SLC31A2: variants seen among roughly 807,000 people sequenced by gnomAD.
SLC31A2 encodes the protein protein SLC31A2.
A neutral mutation model predicts 14.4 loss-of-function variants in SLC31A2; 16 were observed. That is an observed-to-expected ratio of 1.11 (90% CI 0.75 to 1.69). The LOEUF is 1.69. Ranked by LOEUF, SLC31A2 falls within the 40% of genes most tolerant of loss-of-function variation. The pLI is 0.00. For missense variants in SLC31A2, 140 were observed against 173.9 expected, an observed-to-expected ratio of 0.81 and a Z score of 1.10; for synonymous variants, 56 against 68.7, an observed-to-expected ratio of 0.82 and a Z score of 0.91.
At chr9:113,156,621 G>GT in intron 1 of SLC31A2, among the ~76,000 whole-genome samples, 1 of 152,300 alleles carries the variant, frequency 6.6e-6, no homozygotes, top group Admixed American at 6.5e-5. Flanking sequence ...CCTTAGCTGG[G>GT]TAACACTGAC....
intron 1 of SLC31A2, among the ~76,000 whole-genome samples, chr9:113,153,053 C>G (rs564346166): frequency 1.5e-4 from 23 of 151,766 alleles, no homozygotes; most frequent in Admixed American, 1.4e-3. Flanking sequence ...TGGAGTTTCA[C>G]AGTATTGTTT....
intron 1 of SLC31A2, among the ~76,000 whole-genome samples, chr9:113,154,519 GTC>G (rs1352010267): frequency 1.3e-5 from 2 of 152,216 alleles, no homozygotes; most frequent in Non-Finnish European, 2.9e-5. Context: ...TGTCTTCCCT[GTC>G]TCCTGTGGCT....
rs201782767 is a variant in SLC31A2, at chr9:113,162,960, G to C, written c.*43G>C. On this transcript the variant is annotated 3_prime_UTR_variant, in exon 4 of 4. Coordinates refer to ENST00000259392, the MANE Select transcript of SLC31A2 (RefSeq NM_001860.3). ...GGCACTGAGGCTGGAGGGACATGGA[G>C]CCCCCTCTTCCAGACACTATACTTC... 3.3e-4 allele frequency: 507 copies of C among 1,522,004 alleles called. No homozygotes were observed. The highest frequency in any genetic ancestry group is 4.1e-4 in the Non-Finnish European group (462 of 1,128,978). The allele number at this position is 1,522,004 out of a possible 1,614,324, so 94.3% of individuals were successfully genotyped here. A position where few individuals can be genotyped will look rare whatever the true frequency, so the allele number is the denominator to read the frequency against.
intron 3 of SLC31A2, chr9:113,161,959 GC>G: frequency 1.8e-6 from 1 of 567,270 alleles, no homozygotes; most frequent in South Asian, 1.7e-5. Flanking sequence ...TCAGGTGCAG[GC>G]CCCTATCTAG....
chr9:113,159,554 G>GAAA (rs887613344), intron 2 of SLC31A2, among the ~76,000 whole-genome samples: 14 of 151,962 alleles, frequency 9.2e-5, no homozygotes, highest in Non-Finnish European at 1.9e-4. Context: ...GAGCCTGTGG[G>GAAA]AAAAAAAACC....
At chr9:113,158,932 A>G (rs1053019794) in intron 2 of SLC31A2, among the ~76,000 whole-genome samples, 1 of 152,188 alleles carries the variant, frequency 6.6e-6, no homozygotes, top group Non-Finnish European at 1.5e-5. Flanking sequence ...AATGTAATCT[A>G]TCACAGATAC....
intron 1 of SLC31A2, chr9:113,156,126 C>T (rs753892860): frequency 1.9e-6 from 1 of 518,516 alleles, no homozygotes; most frequent in Admixed American, 1.9e-5. Context: ...ATCTGCCTAC[C>T]TTTCCACCCC....
rs546084625 is a variant in SLC31A2, at chr9:113,152,190, C to T, written c.6+1110C>T. 3 of 152,372 alleles carry T rather than the reference C, an allele frequency of 2.0e-5. No individual in the cohort carries two copies. The East Asian group carries it at 5.8e-4, about 29-fold the overall frequency. The allele number at this position is 152,372 out of a possible 1,614,324, so 9.4% of individuals were successfully genotyped here. ...GAAAACAAGTTCCAGGGATTGCTCC[C>T]TCCTTCACCACAGCCCCACCCTGAA... On this transcript the variant is annotated intron_variant, in intron 1 of 3. Transcript: ENST00000259392.
At chr9:113,158,763 A>G (rs116024383) in intron 2 of SLC31A2, among the ~76,000 whole-genome samples, 2,408 of 152,286 alleles carry the variant, frequency 0.016, 72 homozygotes, top group African/African-American at 0.055. Context: ...TGGAAATCAG[A>G]TAAAATTACT....
rs1830058700 is a variant in SLC31A2, at chr9:113,163,942, AT to A, written c.*1026del. On this transcript the variant is annotated 3_prime_UTR_variant, in exon 4 of 4. Transcript: ENST00000259392. ...TGGGCAGGTACTGACTGAAGATGCAATCCAACCAAAGCCATTACATTTTTTG... is the reference window on the plus strand; with the variant it reads ...TGGGCAGGTACTGACTGAAGATGCAACCAACCAAAGCCATTACATTTTTTG... The A allele has an allele frequency of 6.6e-6, 1 of 152,600 alleles. No homozygotes were observed. Among genetic ancestry groups the A allele is most frequent in the African/African-American group, 2.4e-5 (1 of 41,430 alleles). The allele number at this position is 152,600 out of a possible 1,614,324, so 9.5% of individuals were successfully genotyped here.
chr9:113,156,853 C>A (rs532468019), intron 1 of SLC31A2, among the ~76,000 whole-genome samples: 1 of 152,208 alleles, frequency 6.6e-6, no homozygotes, highest in African/African-American at 2.4e-5. Flanking sequence ...ATGTCCAGGG[C>A]TTTGGAATCC....
intron 1 of SLC31A2, chr9:113,155,921 C>T (rs762981606): frequency 5.6e-5 from 22 of 393,850 alleles, no homozygotes; most frequent in South Asian, 2.8e-4. Flanking sequence ...GTTCCAAATC[C>T]TGGACTCAGA....
Position 113,151,167 on chromosome 9 carries a change from G to A in SLC31A2, c.6+87G>A. Reference sequence around the variant, plus strand: ...CATCTCGGCACCCCGAATCCTCGCTGCCGCTGGCCCGGGGCTGGTGAAGGG... The same window carrying A: ...CATCTCGGCACCCCGAATCCTCGCTACCGCTGGCCCGGGGCTGGTGAAGGG... On this transcript the variant is annotated intron_variant, in intron 1 of 3. Coordinates refer to ENST00000259392, the MANE Select transcript of SLC31A2 (RefSeq NM_001860.3). This position sits in a 1 kb window ranked among gnomAD's most constrained non-coding sequence, Gnocchi z 4.2. The A allele has an allele frequency of 8.1e-7, 1 of 1,235,530 alleles. No homozygotes were observed. Among genetic ancestry groups the A allele is most frequent in the Non-Finnish European group, 1.0e-6 (1 of 971,346 alleles). 76.5% of individuals were successfully genotyped at this position (1,235,530 alleles called of 1,614,324 possible). A position where few individuals can be genotyped will look rare whatever the true frequency, so the allele number is the denominator to read the frequency against.
chr9:113,151,415 GC>G lies in SLC31A2; in HGVS notation c.6+339del, dbSNP rs1208028191. ...CCCCGGCCCCGGACCTCTGGCCGGC[GC>G]CCCAGGGCGGAGAGCAGCGCCTTGG... On this transcript the variant is annotated intron_variant, in intron 1 of 3. Transcript: ENST00000259392. This position sits in a 1 kb window ranked among gnomAD's most constrained non-coding sequence, Gnocchi z 4.2. 2.6e-5 allele frequency among the ~76,000 whole-genome samples: 4 copies of G among 152,060 alleles called. No homozygotes were observed. The East Asian group carries it at 7.8e-4, about 30-fold the overall frequency.
At chr9:113,161,309 G>T in intron 2 of SLC31A2, 200 bp from the exon 3 acceptor site, 1 of 571,730 alleles carries the variant, frequency 1.7e-6, no homozygotes, top group Non-Finnish European at 3.1e-6. Context: ...TTTTCAGGTG[G>T]CTTCTCTTCC....
intron 2 of SLC31A2, among the ~76,000 whole-genome samples, chr9:113,159,406 T>TACAGGCATGAGCTACC (rs1046144693): frequency 1.3e-5 from 2 of 152,196 alleles, no homozygotes; most frequent in Non-Finnish European, 2.9e-5. Context: ...GTGCTGGGAT[T>TACAGGCATGAGCTACC]ACAGGCATGA....
rs375498211 is a variant in SLC31A2, at chr9:113,157,284, T to C, written c.7-443T>C. On this transcript the variant is annotated intron_variant, in intron 1 of 3. Transcript: ENST00000259392. ...CTCTGGGCCCCTCCACGATAAACAC[T>C]GTGGGATCTGTCTAGACTGAACAGG... is the stretch of plus-strand genomic sequence containing the variant. 1.5e-3 allele frequency among the ~76,000 whole-genome samples: 231 copies of C among 152,296 alleles called. 3 individuals are homozygous for C. Among genetic ancestry groups the C allele is most frequent in the African/African-American group, 5.3e-3 (219 of 41,564 alleles).
chr9:113,152,849 G>A (rs1829885378), intron 1 of SLC31A2, among the ~76,000 whole-genome samples: 1 of 152,216 alleles, frequency 6.6e-6, no homozygotes, highest in Non-Finnish European at 1.5e-5. Flanking sequence ...AACTGGCCCA[G>A]GCCCAAGGAT....
intron 2 of SLC31A2, 84 bp from the exon 3 acceptor site, chr9:113,161,425 G>C: frequency 8.0e-7 from 1 of 1,246,508 alleles, no homozygotes; most frequent in Admixed American, 1.9e-5. Flanking sequence ...GGTGGATGGA[G>C]TGGATTCCAT....
Sources: gnomAD v4.1 joint callset for allele counts (sites outside exome capture counted in the v4.1 genomes callset) on GRCh38, gnomAD v4.1.1 for gene constraint, Gnocchi (gnomAD v3.1) non-coding constraint, MANE v1.5 for transcripts, NCBI Gene and HGNC (gene_info 2026-07-23, HGNC 2026-07-21) for gene names.